LUC7L3: variants seen among roughly 807,000 people sequenced by gnomAD.
LUC7L3 encodes LUC7 like 3 pre-mRNA splicing factor, also known as luc7-like protein 3.
Under a neutral mutation model 66.8 loss-of-function variants are expected in LUC7L3, and 6 were observed. The ratio of observed to expected loss-of-function variants is 0.09; its 90% CI spans 0.05 to 0.18. The LOEUF (loss-of-function observed/expected upper bound fraction) is 0.18, where lower values mean the gene tolerates loss of function less well. LUC7L3 is among the 10% of genes least tolerant of loss of function. LUC7L3 has a pLI of 1.00. For synonymous variants in LUC7L3, 160 were observed against 174.7 expected (o/e 0.92, Z 0.66); for missense variants, 341 against 531.1 (o/e 0.64, Z 3.52).
chr17:50,719,917 A>T, intron 1 of LUC7L3, 86 bp downstream of exon 1: 1 of 1,311,682 alleles, frequency 7.6e-7, no homozygotes, highest in South Asian at 1.4e-5. Context: ...CCGCGGCGCG[A>T]TGTGGCCAGG....
chr17:50,740,344 C>A lies in LUC7L3; in HGVS notation c.205C>A (p.Gln69Lys). 6.2e-7 allele frequency: 1 copy of A among 1,603,874 alleles called. No homozygotes were observed. The highest frequency in any genetic ancestry group is 1.1e-5 in the South Asian group (1 of 88,916). Residue 69 changes from glutamine (Q) to lysine (K), a missense_variant and splice_region_variant, in exon 3 of 10, where the codon CAG becomes AAG. By Grantham distance (53) the Gln-to-Lys change is moderately conservative (BLOSUM62 1). Transcript: ENST00000505658. The stretch of plus-strand genomic sequence containing the variant: ...AATTCATGATGAAAATCTACGAAAA[C>A]AGTAAGTTATTTTGCTTGTCATTTC... ...EKIHDENLRK[Q>K]YEKSSRFMKV...
intron 5 of LUC7L3, among the ~76,000 whole-genome samples, chr17:50,742,074 TTGTG>T (rs142033434): frequency 5.3e-5 from 8 of 150,660 alleles, no homozygotes; most frequent in South Asian, 2.1e-4. Context: ...AGACCTCGTC[TTGTG>T]TGTGTGTGTG....
Position 50,745,632 on chromosome 17 carries a change from G to T in LUC7L3, c.694-88G>T, listed in dbSNP as rs970670190. On this transcript the variant is annotated intron_variant, in intron 7 of 9. Transcript: ENST00000505658. ...CTTAAGGGCATCAATTCCATAAGTT[G>T]GTCTACAGATAACTTCACATTAGTT... The T allele has an allele frequency of 5.2e-6, 5 of 957,842 alleles. No individual in the cohort carries two copies. The Admixed American group carries it at 1.0e-4, about 19-fold the overall frequency. 59.3% of individuals were successfully genotyped at this position (957,842 alleles called of 1,614,324 possible).
rs990440368 is a variant in LUC7L3, at chr17:50,751,430, C to A, written c.*769C>A. 1 of 1,284,124 alleles carries A rather than the reference C, an allele frequency of 7.8e-7. No individual in the cohort carries two copies. The highest frequency in any genetic ancestry group is 1.0e-6 in the Non-Finnish European group (1 of 985,206). The allele number at this position is 1,284,124 out of a possible 1,614,324, so 79.5% of individuals were successfully genotyped here. ...TGAATGCTATTGCCTGTGATCTTTACGCTTAACTGTTGTGTATCTTTTTTG... is the reference window on the plus strand; with the variant it reads ...TGAATGCTATTGCCTGTGATCTTTAAGCTTAACTGTTGTGTATCTTTTTTG... On this transcript the variant is annotated 3_prime_UTR_variant, in exon 10 of 10. Coordinates refer to ENST00000505658, the MANE Select transcript of LUC7L3 (RefSeq NM_016424.5).
At position 50,719,621 on chromosome 17, in the gene LUC7L3, T is replaced by G; in HGVS notation, c.-112T>G. On this transcript the variant is annotated 5_prime_UTR_variant, in exon 1 of 10. Coordinates refer to ENST00000505658, the MANE Select transcript of LUC7L3 (RefSeq NM_016424.5). ...CCATTTTGTCTTGTCGGCTCCTGTGTGTAGGAGGGATTTCGGCCTGAGAGC... is the reference window on the plus strand; with the variant it reads ...CCATTTTGTCTTGTCGGCTCCTGTGGGTAGGAGGGATTTCGGCCTGAGAGC... 4.8e-6 allele frequency: 4 copies of G among 837,692 alleles called. No homozygotes were observed. The highest frequency in any genetic ancestry group is 5.8e-6 in the Non-Finnish European group (3 of 519,848). 51.9% of individuals were successfully genotyped at this position (837,692 alleles called of 1,614,324 possible).
chr17:50,723,844 A>C (rs1172675464), intron 1 of LUC7L3: 20 of 372,388 alleles, frequency 5.4e-5, no homozygotes, highest in Non-Finnish European at 7.1e-5. Context: ...CATATTGGCC[A>C]GGCTGGTCTT....
chr17:50,733,591 C>T (rs1362594597), intron 1 of LUC7L3, among the ~76,000 whole-genome samples: 4 of 151,798 alleles, frequency 2.6e-5, no homozygotes, highest in Non-Finnish European at 5.9e-5. Context: ...TTAGTAGAGA[C>T]GGGGTTTCAC....
At chr17:50,739,771 A>C (rs1283521855) in intron 2 of LUC7L3, among the ~76,000 whole-genome samples, 2 of 152,220 alleles carry the variant, frequency 1.3e-5, no homozygotes, top group African/African-American at 4.8e-5. Context: ...GTGTTTATTT[A>C]TCCAAAAATT....
At chr17:50,724,147 C>T (rs1489583530) in intron 1 of LUC7L3, 1 of 277,168 alleles carries the variant, frequency 3.6e-6, no homozygotes, top group East Asian at 1.4e-4. Context: ...CCTCTGTATC[C>T]CTTCCATTAT....
intron 1 of LUC7L3, among the ~76,000 whole-genome samples, chr17:50,724,418 G>A (rs1224471344): frequency 6.6e-6 from 1 of 152,066 alleles, no homozygotes; most frequent in African/African-American, 2.4e-5. Context: ...CTACTCTGGA[G>A]GTTGAGGCAG....
intron 1 of LUC7L3, chr17:50,723,687 C>G (rs1180703052): frequency 1.2e-5 from 2 of 169,800 alleles, no homozygotes; most frequent in African/African-American, 2.7e-5. Flanking sequence ...CAGAGTCTAG[C>G]TCTGTCACCC....
Position 50,752,352 on chromosome 17 carries a change from C to G in LUC7L3, c.*1691C>G. On this transcript the variant is annotated 3_prime_UTR_variant, in exon 10 of 10. Transcript: ENST00000505658. ...TTATTATTATTATTAAAAGTTAATT[C>G]AGGACTGATGTGACCTACCAGATTT... 1 of 617,232 alleles carries G rather than the reference C, an allele frequency of 1.6e-6. No individual in the cohort carries two copies. The highest frequency in any genetic ancestry group is 2.3e-6 in the Non-Finnish European group (1 of 428,330). 38.2% of individuals were successfully genotyped at this position (617,232 alleles called of 1,614,324 possible). A position where few individuals can be genotyped will look rare whatever the true frequency, so the allele number is the denominator to read the frequency against.
At chr17:50,730,882 T>C (rs1597903215) in intron 1 of LUC7L3, among the ~76,000 whole-genome samples, 1 of 149,762 alleles carries the variant, frequency 6.7e-6, no homozygotes, top group Admixed American at 6.7e-5. Context: ...AGAGGTTGCA[T>C]TGAGCCAAGA....
rs1250872517 is a variant in LUC7L3 at position 50,741,717 on chromosome 17, G to C, written c.412G>C (p.Val138Leu). ...KIQVLTDKID[V>L]LLQQIEELGS... ...TCAGGTTCTAACAGACAAAATTGAT[G>C]TACTTCTGCAACAGGTGAGAATTGT... Residue 138 changes from valine to leucine, a missense_variant, in exon 5 of 10, where the codon GTA (valine) becomes CTA (leucine). Physicochemically the swap from Val to Leu is conservative, Grantham distance 32. Coordinates refer to ENST00000505658, the MANE Select transcript of LUC7L3 (RefSeq NM_016424.5). The C allele has an allele frequency of 3.7e-6, 6 of 1,613,334 alleles. No homozygotes were observed. Among genetic ancestry groups the C allele is most frequent in the Non-Finnish European group, 5.1e-6 (6 of 1,179,422 alleles).
chr17:50,735,997 G>A (rs577787252), intron 1 of LUC7L3, among the ~76,000 whole-genome samples: 8 of 152,308 alleles, frequency 5.3e-5, no homozygotes, highest in African/African-American at 1.2e-4. Context: ...GCTGGGCATG[G>A]TGGCACATAC....
rs1970969877 is a variant in LUC7L3, at chr17:50,751,472, CA to C, written c.*812del. ...TCTTTTTTGTTCTTTACAAGAAGTGCAGAGGGGTTTTTTGTGTATTGCGTGA... is the reference window on the plus strand; with the variant it reads ...TCTTTTTTGTTCTTTACAAGAAGTGCGAGGGGTTTTTTGTGTATTGCGTGA... On this transcript the variant is annotated 3_prime_UTR_variant, in exon 10 of 10. Coordinates refer to ENST00000505658, the MANE Select transcript of LUC7L3 (RefSeq NM_016424.5). 8.2e-7 allele frequency: 1 copy of C among 1,219,178 alleles called. No homozygotes were observed. The highest frequency in any genetic ancestry group is 1.0e-6 in the Non-Finnish European group (1 of 954,826). 75.5% of individuals were successfully genotyped at this position (1,219,178 alleles called of 1,614,324 possible). A position where few individuals can be genotyped will look rare whatever the true frequency, so the allele number is the denominator to read the frequency against.
In LUC7L3 at chr17:50,752,266, AATG is replaced by A. The variant is rs1567882662; in HGVS notation, c.*1607_*1609del. 7.9e-7 allele frequency: 1 copy of A among 1,262,384 alleles called. No individual in the cohort carries two copies. Among genetic ancestry groups the A allele is most frequent in the Admixed American group, 2.4e-5 (1 of 42,396 alleles). 78.2% of individuals were successfully genotyped at this position (1,262,384 alleles called of 1,614,324 possible). A position where few individuals can be genotyped will look rare whatever the true frequency, so the allele number is the denominator to read the frequency against. On this transcript the variant is annotated 3_prime_UTR_variant, in exon 10 of 10. Transcript: ENST00000505658. ...ATAAAGTGAAGATCGACATTTAAAA[AATG>A]AGGTGAAAGAAAGCTATAGTGGCAT... is the stretch of plus-strand genomic sequence containing the variant.
At chr17:50,741,015 A>C in intron 3 of LUC7L3, 87 bp from the exon 4 acceptor site, 1 of 1,275,182 alleles carries the variant, frequency 7.8e-7, no homozygotes, top group Non-Finnish European at 1.1e-6. Flanking sequence ...TAAATGGAAT[A>C]GTCGTTGAGG....
rs1048344751 is a variant in LUC7L3, at chr17:50,753,075, G to A, written c.*2414G>A. 5 of 152,146 alleles carry A rather than the reference G, an allele frequency of 3.3e-5. No individual in the cohort carries two copies. Among genetic ancestry groups the A allele is most frequent in the Non-Finnish European group, 2.9e-5 (2 of 68,014 alleles). 9.4% of individuals were successfully genotyped at this position (152,146 alleles called of 1,614,324 possible). On this transcript the variant is annotated 3_prime_UTR_variant, in exon 10 of 10. Coordinates refer to ENST00000505658, the MANE Select transcript of LUC7L3 (RefSeq NM_016424.5). ...TGTGTCAGTTTATAAATGTATTTGT[G>A]TATAGGGTGTGTAGTATATATGGCA...
Sources: allele counts gnomAD v4.1 joint callset (sites outside exome capture counted in the v4.1 genomes callset), GRCh38; gene constraint gnomAD v4.1.1; transcripts MANE v1.5; gene names NCBI Gene and HGNC (gene_info 2026-07-23, HGNC 2026-07-21).